The following MYOCD variants were observed in gnomAD, a reference collection of about 807,000 sequenced individuals.
MYOCD encodes the protein myocardin.
MYOCD carries 32 observed loss-of-function variants against 96.1 expected under a neutral mutation model. The observed-to-expected ratio is 0.33, with a 90% CI of 0.25 to 0.45. MYOCD has a LOEUF of 0.45. Ranked by LOEUF, MYOCD falls within the 20% of genes least tolerant of loss-of-function variation. MYOCD has a pLI of 1.00. For synonymous variants in MYOCD, 469 were observed against 469.0 expected (o/e 1.00, Z 0.00); for missense variants, 1,133 against 1,200.6 (o/e 0.94, Z 0.83).
intron 5 of MYOCD, among the ~76,000 whole-genome samples, chr17:12,732,887 G>A (rs2032221349): frequency 1.3e-5 from 2 of 152,084 alleles, no homozygotes; most frequent in African/African-American, 2.4e-5. Flanking sequence ...TAAATTCATC[G>A]GGACTCTCCC....
At chr17:12,690,492 T>C (rs7222635) in intron 1 of MYOCD, among the ~76,000 whole-genome samples, 10,250 of 152,172 alleles carry the variant, frequency 0.067, 542 homozygotes, top group Admixed American at 0.14. Flanking sequence ...TAATGAAATA[T>C]TATGTGGCCA....
At chr17:12,744,021 G>A (rs756592359) in intron 7 of MYOCD, among the ~76,000 whole-genome samples, 162 bp from the exon 8 acceptor site, 11 of 152,144 alleles carry the variant, frequency 7.2e-5, no homozygotes, top group Non-Finnish European at 1.5e-4. Context: ...CATTAGCAAC[G>A]TTAGTGTCCT....
intron 12 of MYOCD, chr17:12,758,450 T>G (rs1234974885): frequency 3.3e-6 from 2 of 613,002 alleles, no homozygotes; most frequent in East Asian, 5.5e-5. Context: ...TTCTGCCATC[T>G]GCCAGCTGCC....
intron 2 of MYOCD, among the ~76,000 whole-genome samples, chr17:12,711,552 T>G (rs949979812): frequency 1.3e-5 from 2 of 152,214 alleles, no homozygotes; most frequent in Non-Finnish European, 2.9e-5. Context: ...GTATATAAAT[T>G]TACCAGCTAG....
chr17:12,701,030 T>C (rs949875286), intron 1 of MYOCD, among the ~76,000 whole-genome samples: 2 of 152,252 alleles, frequency 1.3e-5, no homozygotes, highest in African/African-American at 4.8e-5. Flanking sequence ...GTGTCCACTT[T>C]AAGTTGTTTA....
intron 2 of MYOCD, among the ~76,000 whole-genome samples, chr17:12,710,332 G>A (rs35230112): frequency 0.017 from 2,622 of 152,224 alleles, 35 homozygotes; most frequent in Non-Finnish European, 0.028. Flanking sequence ...GAGAGGACAC[G>A]GGGCCCGGGG....
chr17:12,738,304 C>G (rs569532818), intron 6 of MYOCD, among the ~76,000 whole-genome samples: 10 of 152,140 alleles, frequency 6.6e-5, no homozygotes, highest in Non-Finnish European at 1.2e-4. Context: ...TTCCTCACCC[C>G]CCATGGAGAG....
chr17:12,702,669 G>A (rs974128613), intron 1 of MYOCD, among the ~76,000 whole-genome samples: 3 of 54,856 alleles, frequency 5.5e-5, no homozygotes, highest in African/African-American at 2.1e-4. Flanking sequence ...TTTTAGCATT[G>A]TTTCAATTTA....
intron 10 of MYOCD, among the ~76,000 whole-genome samples, chr17:12,754,061 G>GGTGTGTGTGTGTGTGTGT (rs71144923): frequency 4.1e-4 from 61 of 149,590 alleles, no homozygotes; most frequent in Admixed American, 9.3e-4. Flanking sequence ...AAAGCAAAGA[G>GGTGTGTGTGTGTGTGTGT]GTGTGTGTGT....
intron 7 of MYOCD, among the ~76,000 whole-genome samples, chr17:12,740,273 C>G (rs2150707453): frequency 6.6e-6 from 1 of 152,316 alleles, no homozygotes; most frequent in East Asian, 1.9e-4. Context: ...GCACCCGTCA[C>G]CTGAGCAGTG....
chr17:12,689,612 A>C (rs1404347050), intron 1 of MYOCD, among the ~76,000 whole-genome samples: 1 of 152,200 alleles, frequency 6.6e-6, no homozygotes, highest in Admixed American at 6.5e-5. Flanking sequence ...CAGGCGGATC[A>C]CTTGAGGTCA....
chr17:12,698,763 GAC>G (rs2030906605), intron 1 of MYOCD, among the ~76,000 whole-genome samples: 1 of 88,282 alleles, frequency 1.1e-5, no homozygotes, highest in Admixed American at 1.8e-4. Flanking sequence ...TTTTTTGTGA[GAC>G]AGAGTCTGGC....
chr17:12,739,332 C>G lies in MYOCD; in HGVS notation c.717+4C>G. On this transcript the variant is annotated splice_donor_region_variant and intron_variant, in intron 7 of 13. Transcript: ENST00000425538. ...AGCCGTGCATGCTGCTGTAAAGGTACGGACACATCAGCCTCCAAGCCCTGC... is the reference window on the plus strand; with the variant it reads ...AGCCGTGCATGCTGCTGTAAAGGTAGGGACACATCAGCCTCCAAGCCCTGC... 1 of 1,558,210 alleles carries G rather than the reference C, an allele frequency of 6.4e-7. No homozygotes were observed. Among genetic ancestry groups the G allele is most frequent in the Non-Finnish European group, 8.7e-7 (1 of 1,154,086 alleles).
chr17:12,768,490 G>C lies in MYOCD; in HGVS notation c.*4846G>C, dbSNP rs1033926791. ...TCTCCTGTGCTTATTTTAACCATCT[G>C]CTCCCATCGTGAACCCTGGAGCATG... On this transcript the variant is annotated 3_prime_UTR_variant, in exon 14 of 14. Transcript: ENST00000425538. 2.0e-5 allele frequency: 3 copies of C among 152,182 alleles called. No individual in the cohort carries two copies. The highest frequency in any genetic ancestry group is 4.4e-5 in the Non-Finnish European group (3 of 68,042). 9.4% of individuals were successfully genotyped at this position (152,182 alleles called of 1,614,324 possible).
chr17:12,752,110 G>A (rs998423939), intron 9 of MYOCD, among the ~76,000 whole-genome samples: 5 of 152,162 alleles, frequency 3.3e-5, no homozygotes, highest in Admixed American at 6.6e-5. Flanking sequence ...ATAAAATGGG[G>A]ACACAGATCG....
chr17:12,683,463 G>A (rs956950714), intron 1 of MYOCD, among the ~76,000 whole-genome samples: 3 of 152,066 alleles, frequency 2.0e-5, no homozygotes, highest in East Asian at 1.9e-4. Flanking sequence ...TCGTGCGCGC[G>A]CGCTCTCTCT....
intron 9 of MYOCD, among the ~76,000 whole-genome samples, chr17:12,751,307 ATTG>A (rs1343988095): frequency 2.0e-5 from 3 of 151,568 alleles, no homozygotes; most frequent in Admixed American, 2.0e-4. Context: ...ATGTACATAC[ATTG>A]TTTATATAAT....
chr17:12,755,058 C>T (rs919483057), intron 10 of MYOCD, among the ~76,000 whole-genome samples: 8 of 152,186 alleles, frequency 5.3e-5, no homozygotes, highest in Non-Finnish European at 1.0e-4. Context: ...TACAAACCTA[C>T]AGGAACAATG....
At chr17:12,696,150 A>AT (rs57123018) in intron 1 of MYOCD, among the ~76,000 whole-genome samples, 14 of 148,974 alleles carry the variant, frequency 9.4e-5, no homozygotes, top group South Asian at 4.3e-4. Context: ...TCCACCTCCT[A>AT]TTTTTTTTTA....
Sources: allele counts gnomAD v4.1 joint callset (sites outside exome capture counted in the v4.1 genomes callset), GRCh38; gene constraint gnomAD v4.1.1; transcripts MANE v1.5; gene names NCBI Gene and HGNC (gene_info 2026-07-23, HGNC 2026-07-21).